ITPR2: variants seen among roughly 807,000 people sequenced by gnomAD.
ITPR2 encodes the protein inositol 1,4,5-trisphosphate receptor type 2.
ITPR2 carries 207 observed loss-of-function variants against 317.1 expected under a neutral mutation model. That is an observed-to-expected ratio of 0.65 (90% CI 0.58 to 0.73). ITPR2 has a LOEUF of 0.73. Ranked by LOEUF, ITPR2 falls within the 30% of genes least tolerant of loss-of-function variation. ITPR2 has a pLI of 0.00. For synonymous variants in ITPR2, 1,156 were observed against 1,149.1 expected (o/e 1.01, Z -0.12); for missense variants, 2,613 against 3,284.0 (o/e 0.80, Z 4.99).
chr12:26,454,979 C>A (rs1023792435), intron 45 of ITPR2, among the ~76,000 whole-genome samples: 6 of 152,156 alleles, frequency 3.9e-5, no homozygotes, highest in African/African-American at 1.4e-4. Context: ...CTACTTTTCT[C>A]TATGATATAC....
intron 55 of ITPR2, among the ~76,000 whole-genome samples, chr12:26,375,274 G>T (rs377099140): frequency 6.6e-6 from 1 of 152,170 alleles, no homozygotes; most frequent in African/African-American, 2.4e-5. Flanking sequence ...TTTTATTAAG[G>T]TTATGAGAAT....
chr12:26,815,109 C>T (rs777521796), intron 1 of ITPR2, among the ~76,000 whole-genome samples: 14 of 152,246 alleles, frequency 9.2e-5, no homozygotes, highest in Non-Finnish European at 1.6e-4. Flanking sequence ...GAGGCCGAGA[C>T]GGGTGAATCA....
intron 48 of ITPR2, among the ~76,000 whole-genome samples, chr12:26,431,491 C>A (rs982070800): frequency 1.3e-5 from 2 of 152,174 alleles, no homozygotes; most frequent in Non-Finnish European, 2.9e-5. Flanking sequence ...CAAACAGCCA[C>A]AAAAACCAAT....
At position 26,686,461 on chromosome 12, in the gene ITPR2, T is replaced by C; in HGVS notation, c.1148+20A>G. On this transcript the variant is annotated intron_variant, in intron 11 of 56. Transcript: ENST00000381340. ...GTATAATTATTCAAAGAAACATCTT[T>C]TAACCATAATTTTTTTTACCTTGGA... 4 of 1,533,090 alleles carry C rather than the reference T, an allele frequency of 2.6e-6. No individual in the cohort carries two copies. Among genetic ancestry groups the C allele is most frequent in the South Asian group, 1.3e-5 (1 of 77,514 alleles). 95.0% of individuals were successfully genotyped at this position (1,533,090 alleles called of 1,614,324 possible).
intron 46 of ITPR2, among the ~76,000 whole-genome samples, chr12:26,442,000 C>T (rs1452116862): frequency 6.6e-6 from 1 of 152,036 alleles, no homozygotes; most frequent in Non-Finnish European, 1.5e-5. Context: ...TCCAGTCCAG[C>T]CATCTTCGAT....
intron 52 of ITPR2, chr12:26,406,428 GTTTTTTTTTTT>G (rs11358278): frequency 1.0e-5 from 1 of 100,296 alleles, no homozygotes; most frequent in African/African-American, 3.8e-5. Context: ...GAAATATGAA[GTTTTTTTTTTT>G]TTTTTTTTTT....
In ITPR2 at chr12:26,336,282, C is replaced by T. The variant is rs1309541818; in HGVS notation, c.*3115G>A. ...AGTGGCTGAGTGTGGGCTATACTGC[C>T]TTGCTGTTTGCAATGAAACAATTGT... On this transcript the variant is annotated 3_prime_UTR_variant, in exon 57 of 57. Transcript: ENST00000381340. Among the ~76,000 whole-genome samples the T allele has an allele frequency of 6.6e-6, 1 of 152,134 alleles. No individual in the cohort carries two copies. The highest frequency in any genetic ancestry group is 6.5e-5 in the Admixed American group (1 of 15,274).
At chr12:26,388,428 T>C (rs1939730324) in intron 54 of ITPR2, among the ~76,000 whole-genome samples, 1 of 152,112 alleles carries the variant, frequency 6.6e-6, no homozygotes, top group Admixed American at 6.5e-5. Flanking sequence ...TCTCTAAGCA[T>C]TTTTTGTAAG....
chr12:26,485,248 ATTAT>A (rs1432971919), intron 41 of ITPR2, among the ~76,000 whole-genome samples: 2 of 152,200 alleles, frequency 1.3e-5, no homozygotes, highest in African/African-American at 2.4e-5. Flanking sequence ...CTATTAATTT[ATTAT>A]TTAACGTGTT....
chr12:26,535,074 T>C (rs1944051086), intron 37 of ITPR2, among the ~76,000 whole-genome samples: 1 of 152,170 alleles, frequency 6.6e-6, no homozygotes, highest in Non-Finnish European at 1.5e-5. Context: ...TATGAGGTGG[T>C]GGATATGCTG....
At chr12:26,597,318 T>C (rs1485200079) in intron 30 of ITPR2, among the ~76,000 whole-genome samples, 184 bp from the exon 31 acceptor site, 1 of 152,170 alleles carries the variant, frequency 6.6e-6, no homozygotes, top group African/African-American at 2.4e-5. Flanking sequence ...AGGAACCAGC[T>C]ATGAACGCTA....
chr12:26,727,419 A>G (rs1349231), intron 2 of ITPR2, among the ~76,000 whole-genome samples: 49,685 of 152,184 alleles, frequency 0.33, 10,467 homozygotes, highest in Non-Finnish European at 0.48. Context: ...TTCTTCATGT[A>G]TAAAAAGGAA....
intron 54 of ITPR2, among the ~76,000 whole-genome samples, chr12:26,391,555 C>CTTTTTTTTT (rs1491173931): frequency 0.015 from 1,057 of 70,784 alleles, 181 homozygotes; most frequent in Non-Finnish European, 0.019. Flanking sequence ...TTCTTCTTTT[C>CTTTTTTTTT]CTTTTTTTTT....
chr12:26,485,656 T>A (rs1044194229), intron 41 of ITPR2, among the ~76,000 whole-genome samples: 8 of 152,376 alleles, frequency 5.3e-5, no homozygotes, highest in Middle Eastern at 6.8e-3. Context: ...TCCTCTTCTA[T>A]GTTAATTCTG....
intron 45 of ITPR2, among the ~76,000 whole-genome samples, chr12:26,458,363 AG>A (rs1941938544): frequency 6.6e-6 from 1 of 152,090 alleles, no homozygotes; most frequent in Non-Finnish European, 1.5e-5. Flanking sequence ...TTTTAAGGAG[AG>A]GCTGCTGACG....
chr12:26,776,276 C>T (rs1484780934), intron 2 of ITPR2, among the ~76,000 whole-genome samples: 1 of 151,986 alleles, frequency 6.6e-6, no homozygotes. Flanking sequence ...ATGTGGAGAA[C>T]CAAGGAACCT....
At chr12:26,545,066 C>A (rs1944361197) in intron 37 of ITPR2, among the ~76,000 whole-genome samples, 1 of 152,130 alleles carries the variant, frequency 6.6e-6, no homozygotes, top group African/African-American at 2.4e-5. Flanking sequence ...TAATATTAAT[C>A]AGCCACAAGT....
intron 37 of ITPR2, among the ~76,000 whole-genome samples, chr12:26,547,547 C>T (rs981844194): frequency 7.2e-5 from 11 of 152,208 alleles, no homozygotes; most frequent in African/African-American, 2.7e-4. Context: ...AATCCCACTA[C>T]TGAGTATTTA....
chr12:26,384,267 TTTTCTGAAA>T (rs1481530815), intron 55 of ITPR2, among the ~76,000 whole-genome samples: 1 of 152,168 alleles, frequency 6.6e-6, no homozygotes, highest in Non-Finnish European at 1.5e-5. Context: ...GAGTAACAGA[TTTTCTGAAA>T]TGGGTTTTTT....
Sources: allele counts gnomAD v4.1 joint callset (sites outside exome capture counted in the v4.1 genomes callset), GRCh38; gene constraint gnomAD v4.1.1; transcripts MANE v1.5; gene names NCBI Gene and HGNC (gene_info 2026-07-23, HGNC 2026-07-21).